CSMD1: variants seen among roughly 807,000 people sequenced by gnomAD.
CSMD1 encodes the protein CUB and Sushi multiple domains 1.
A neutral mutation model predicts 417.5 loss-of-function variants in CSMD1; 213 were observed. That is an observed-to-expected ratio of 0.51 (90% CI 0.46 to 0.57). The LOEUF is 0.57. CSMD1 is among the 20% of genes least tolerant of loss of function. The probability of loss-of-function intolerance (pLI) is 0.00; values close to 1 mark genes in which losing one functional copy is unlikely to be tolerated. For synonymous variants in CSMD1, 2,862 were observed against 1,736.8 expected, an observed-to-expected ratio of 1.65 and a Z score of -16.11; for missense variants, 6,923 against 4,529.7, an observed-to-expected ratio of 1.53 and a Z score of -15.17.
intron 3 of CSMD1, among the ~76,000 whole-genome samples, chr8:4,323,630 A>G (rs1381454791): frequency 6.6e-6 from 1 of 152,204 alleles, no homozygotes; most frequent in Non-Finnish European, 1.5e-5. Flanking sequence ...ACCAGAAGAC[A>G]TAAGGAGAAA....
chr8:4,591,630 C>G lies in CSMD1; in HGVS notation c.302+45712G>C, dbSNP rs1774205359. Among the ~76,000 whole-genome samples, 2 of 152,154 alleles carry G rather than the reference C, an allele frequency of 1.3e-5. 1 individual carries two copies. On this transcript the variant is annotated intron_variant, in intron 2 of 69. Coordinates refer to ENST00000635120, the MANE Select transcript of CSMD1 (RefSeq NM_033225.6). ...AGTGATGGCGGAACTGGGCCTTCAA[C>G]TGTCAGCAGGAGAGGGCATAAGTAT...
At chr8:4,507,390 C>A (rs544951893) in intron 2 of CSMD1, among the ~76,000 whole-genome samples, 3 of 152,178 alleles carry the variant, frequency 2.0e-5, no homozygotes, top group South Asian at 2.1e-4. Flanking sequence ...CTATATATAA[C>A]ATAGACTCCA....
At chr8:4,456,234 T>A (rs909671564) in intron 2 of CSMD1, among the ~76,000 whole-genome samples, 1 of 152,066 alleles carries the variant, frequency 6.6e-6, no homozygotes, top group Non-Finnish European at 1.5e-5. Flanking sequence ...TCAGAAAATA[T>A]GCTTTAAAAT....
intron 11 of CSMD1, among the ~76,000 whole-genome samples, chr8:3,479,635 T>G (rs769856297): frequency 7.9e-5 from 12 of 152,096 alleles, no homozygotes; most frequent in Non-Finnish European, 1.6e-4. Flanking sequence ...AAAACCACAG[T>G]TGCTTTTTCA....
In CSMD1 at chr8:4,059,909, T is replaced by C. The variant is rs1225880244; in HGVS notation, c.416-27810A>G. Among the ~76,000 whole-genome samples the C allele has an allele frequency of 4.6e-5, 7 of 151,426 alleles. No individual in the cohort carries two copies. The East Asian group carries it at 1.2e-3, about 25-fold the overall frequency. On this transcript the variant is annotated intron_variant, in intron 3 of 69. Transcript: ENST00000635120. ...TTCCTTCTGAAACTATTCCAATCAATAGAAAAAGAGGGAATCCTCCCTAAC... is the reference window on the plus strand; with the variant it reads ...TTCCTTCTGAAACTATTCCAATCAACAGAAAAAGAGGGAATCCTCCCTAAC...
At chr8:3,612,072 T>A (rs1801921271) in intron 8 of CSMD1, among the ~76,000 whole-genome samples, 2 of 152,094 alleles carry the variant, frequency 1.3e-5, no homozygotes, top group African/African-American at 2.4e-5. Flanking sequence ...TAAAACAATG[T>A]TGTGCAACAG....
intron 6 of CSMD1, among the ~76,000 whole-genome samples, chr8:3,719,388 G>C (rs929998066): frequency 1.3e-5 from 2 of 152,230 alleles, no homozygotes; most frequent in East Asian, 1.9e-4. Flanking sequence ...TAAAAGAAGG[G>C]CTTGAATTAA....
chr8:4,125,299 G>C (rs1043285861), intron 3 of CSMD1, among the ~76,000 whole-genome samples: 1 of 152,162 alleles, frequency 6.6e-6, no homozygotes, highest in African/African-American at 2.4e-5. Flanking sequence ...AATCTGACTG[G>C]CTTCTTTGGA....
At position 4,637,543 on chromosome 8, in the gene CSMD1, C is replaced by A. The variant is rs748308952; in HGVS notation, c.101G>T (p.Gly34Val). ...LTAAKGQNCGGLVQGPNGTIE... is the reference protein window; with the variant it reads ...LTAAKGQNCGVLVQGPNGTIE... ...AGTGCCATTGGGACCCTGGACTAAG[C>A]CTCCACAGTTCTGACCTGGAAGAGA... is the stretch of plus-strand genomic sequence containing the variant. The change falls in exon 2 of 70, where the codon GGC (glycine) becomes GTC (valine). Residue 34 changes from glycine to valine, a missense_variant. Transcript: ENST00000635120. 2 of 1,612,912 alleles carry A rather than the reference C, an allele frequency of 1.2e-6. No individual in the cohort carries two copies. The highest frequency in any genetic ancestry group is 2.7e-5 in the African/African-American group (2 of 74,810).
intron 1 of CSMD1, among the ~76,000 whole-genome samples, chr8:4,751,211 C>T (rs1046829756): frequency 6.6e-6 from 1 of 152,154 alleles, no homozygotes; most frequent in African/African-American, 2.4e-5. Context: ...ATGGCGAAGA[C>T]CCATCTCTAC....
At chr8:4,565,642 G>A (rs1204772809) in intron 2 of CSMD1, among the ~76,000 whole-genome samples, 1 of 151,374 alleles carries the variant, frequency 6.6e-6, no homozygotes, top group Non-Finnish European at 1.5e-5. Flanking sequence ...GGCTGAAGCA[G>A]GAGAACCGTT....
At chr8:4,166,521 T>A (rs1336260419) in intron 3 of CSMD1, among the ~76,000 whole-genome samples, 1 of 152,194 alleles carries the variant, frequency 6.6e-6, no homozygotes, top group African/African-American at 2.4e-5. Flanking sequence ...AAGCAAATAC[T>A]GTATATTCTC....
chr8:2,962,454 G>T lies in CSMD1; in HGVS notation c.9628+12C>A, dbSNP rs191172791. The T allele has an allele frequency of 1.2e-6, 2 of 1,610,282 alleles. No individual in the cohort carries two copies. The highest frequency in any genetic ancestry group is 1.3e-5 in the African/African-American group (1 of 74,966). ...CTCCCAGGTATCCCCAGAGCTGTAT[G>T]ATAATTATTACCAATGCAGGTGGGT... is the stretch of plus-strand genomic sequence containing the variant. On this transcript the variant is annotated intron_variant, in intron 61 of 69. Coordinates refer to ENST00000635120, the MANE Select transcript of CSMD1 (RefSeq NM_033225.6).
At chr8:4,824,834 A>G (rs894611358) in intron 1 of CSMD1, among the ~76,000 whole-genome samples, 1 of 152,144 alleles carries the variant, frequency 6.6e-6, no homozygotes, top group East Asian at 1.9e-4. Context: ...GCCTATATTT[A>G]AGAAACAATC....
chr8:3,303,439 A>T lies in CSMD1; in HGVS notation c.3950+4256T>A, dbSNP rs1804568822. ...GTCAAACCACATGTTACCTTTTCTA[A>T]AAGTCTGCATAGGAATGCTTTTGAC... On this transcript the variant is annotated intron_variant, in intron 25 of 69. Transcript: ENST00000635120. Among the ~76,000 whole-genome samples the T allele has an allele frequency of 3.3e-5, 5 of 152,356 alleles. No individual in the cohort carries two copies. In the South Asian group the frequency reaches 8.3e-4, roughly 25 times the overall value.
chr8:3,921,476 A>G (rs1563213448), intron 5 of CSMD1, among the ~76,000 whole-genome samples: 1 of 152,076 alleles, frequency 6.6e-6, no homozygotes, highest in Non-Finnish European at 1.5e-5. Context: ...AGTGAGGTGT[A>G]AAGTTAGGTT....
At chr8:3,737,082 A>G (rs1796558519) in intron 6 of CSMD1, among the ~76,000 whole-genome samples, 1 of 152,242 alleles carries the variant, frequency 6.6e-6, no homozygotes, top group Admixed American at 6.5e-5. Flanking sequence ...GTGTTCATTT[A>G]TATTATAGTC....
intron 1 of CSMD1, among the ~76,000 whole-genome samples, chr8:4,969,299 T>G (rs1010537643): frequency 6.6e-6 from 1 of 151,970 alleles, no homozygotes; most frequent in African/African-American, 2.4e-5. Context: ...GGCAAAATAT[T>G]TTACATAGAC....
intron 3 of CSMD1, among the ~76,000 whole-genome samples, chr8:4,168,510 C>G (rs1003555814): frequency 6.6e-6 from 1 of 151,918 alleles, no homozygotes; most frequent in Admixed American, 6.6e-5. Context: ...ACATGCAACA[C>G]TAGATTAAAA....
Sources: allele counts gnomAD v4.1 joint callset (sites outside exome capture counted in the v4.1 genomes callset), GRCh38; gene constraint gnomAD v4.1.1; transcripts MANE v1.5; gene names NCBI Gene and HGNC (gene_info 2026-07-23, HGNC 2026-07-21).